The following HS3ST4 variants were observed in gnomAD, a reference collection of about 807,000 sequenced individuals.
HS3ST4 encodes heparan sulfate-glucosamine 3-sulfotransferase 4, also known as heparan sulfate glucosamine 3-O-sulfotransferase 4.
In HS3ST4, 17 loss-of-function variants were observed where a neutral mutation model predicts 29.2. That is an observed-to-expected ratio of 0.58 (90% CI 0.40 to 0.87). The LOEUF (loss-of-function observed/expected upper bound fraction) is 0.87, where lower values mean the gene tolerates loss of function less well. Ranked by LOEUF, HS3ST4 falls within the 40% of genes least tolerant of loss-of-function variation. The pLI is 0.00. For missense variants in HS3ST4, 627 were observed against 634.5 expected (o/e 0.99, Z 0.13); for synonymous variants, 314 against 285.7 (o/e 1.10, Z -1.00).
chr16:25,764,505 A>G (rs1327931985), intron 1 of HS3ST4, among the ~76,000 whole-genome samples: 2 of 152,090 alleles, frequency 1.3e-5, no homozygotes, highest in African/African-American at 4.8e-5. Context: ...CCGCATGTGT[A>G]TGTGCGTGTT....
intron 1 of HS3ST4, among the ~76,000 whole-genome samples, chr16:25,922,608 A>G (rs1169742346): frequency 6.6e-6 from 1 of 152,242 alleles, no homozygotes; most frequent in Non-Finnish European, 1.5e-5. Flanking sequence ...TTTGTTGAGC[A>G]ATTACTGTGG....
intron 1 of HS3ST4, among the ~76,000 whole-genome samples, chr16:25,701,896 T>A (rs1258422563): frequency 2.0e-5 from 3 of 152,262 alleles, no homozygotes; most frequent in East Asian, 1.9e-4. Context: ...GATTTATTGT[T>A]AATACAGGCA....
At chr16:26,072,360 C>T (rs1444732253) in intron 1 of HS3ST4, among the ~76,000 whole-genome samples, 3 of 152,202 alleles carry the variant, frequency 2.0e-5, no homozygotes, top group Non-Finnish European at 4.4e-5. Flanking sequence ...GAATTGTGTA[C>T]TCTGGCTGAT....
intron 1 of HS3ST4, among the ~76,000 whole-genome samples, chr16:26,082,197 C>A (rs1446036514): frequency 1.3e-5 from 2 of 152,190 alleles, no homozygotes; most frequent in East Asian, 1.9e-4. Context: ...GCATCCTCTT[C>A]TGTCAATCAC....
intron 1 of HS3ST4, among the ~76,000 whole-genome samples, chr16:25,767,207 C>G (rs963321577): frequency 1.3e-5 from 2 of 152,140 alleles, no homozygotes; most frequent in Admixed American, 6.5e-5. Context: ...TTTATTTATA[C>G]GGATAAGGCA....
At chr16:25,972,733 A>G (rs1047430865) in intron 1 of HS3ST4, among the ~76,000 whole-genome samples, 3 of 152,180 alleles carry the variant, frequency 2.0e-5, no homozygotes, top group Non-Finnish European at 4.4e-5. Context: ...GGTCCAGCCC[A>G]CACTCAAGAA....
chr16:25,992,954 C>T (rs1283517594), intron 1 of HS3ST4, among the ~76,000 whole-genome samples: 1 of 152,174 alleles, frequency 6.6e-6, no homozygotes, highest in Non-Finnish European at 1.5e-5. Context: ...ACAGCTCTGC[C>T]TTGCTTGCGT....
At chr16:25,870,183 C>CCCAT (rs922372292) in intron 1 of HS3ST4, among the ~76,000 whole-genome samples, 6 of 152,068 alleles carry the variant, frequency 3.9e-5, no homozygotes, top group Non-Finnish European at 2.9e-5. Context: ...CATCCATCCA[C>CCCAT]CCATCCATCC....
chr16:25,786,825 G>C (rs552564133), intron 1 of HS3ST4, among the ~76,000 whole-genome samples: 1 of 152,182 alleles, frequency 6.6e-6, no homozygotes, highest in African/African-American at 2.4e-5. Flanking sequence ...TATAATTTCA[G>C]AGTATGCTAC....
intron 1 of HS3ST4, among the ~76,000 whole-genome samples, chr16:25,858,872 T>C (rs61621330): frequency 0.074 from 11,213 of 152,186 alleles, 470 homozygotes; most frequent in African/African-American, 0.12. Context: ...CCTTCCTTTT[T>C]TTATCTGGTT....
At chr16:26,001,151 T>G (rs1455332817) in intron 1 of HS3ST4, among the ~76,000 whole-genome samples, 2 of 152,158 alleles carry the variant, frequency 1.3e-5, no homozygotes, top group Non-Finnish European at 2.9e-5. Context: ...ATTTACAATA[T>G]TGGAATTTGG....
In HS3ST4 at chr16:26,078,240, A is replaced by T. The variant is rs142521806; in HGVS notation, c.735-57372A>T. 5.9e-3 allele frequency among the ~76,000 whole-genome samples: 902 copies of T among 152,196 alleles called. 8 individuals are homozygous for T. Among genetic ancestry groups the T allele is most frequent in the Admixed American group, 0.01 (157 of 15,274 alleles). On this transcript the variant is annotated intron_variant, in intron 1 of 1. Coordinates refer to ENST00000331351, the MANE Select transcript of HS3ST4 (RefSeq NM_006040.3). ...ACTGCAAGCTCTGCCTCCCAGGTTCATGCCTATTCTTCTGCCTCAGCCTCT... is the reference window on the plus strand; with the variant it reads ...ACTGCAAGCTCTGCCTCCCAGGTTCTTGCCTATTCTTCTGCCTCAGCCTCT...
At chr16:25,921,181 T>C (rs1968348119) in intron 1 of HS3ST4, among the ~76,000 whole-genome samples, 1 of 152,204 alleles carries the variant, frequency 6.6e-6, no homozygotes, top group African/African-American at 2.4e-5. Context: ...TAGCTGATGC[T>C]CAAAGAACAG....
At chr16:25,790,177 G>A (rs1450200735) in intron 1 of HS3ST4, among the ~76,000 whole-genome samples, 2 of 56 alleles carry the variant, frequency 0.036, no homozygotes, top group Non-Finnish European at 0.067. Flanking sequence ...GGATGCCAAG[G>A]TGAGCAGGTG....
At chr16:25,722,325 T>G (rs2141589997) in intron 1 of HS3ST4, among the ~76,000 whole-genome samples, 1 of 152,354 alleles carries the variant, frequency 6.6e-6, no homozygotes, top group African/African-American at 2.4e-5. Context: ...GGAGACTCCA[T>G]GAGAAGGGTT....
At chr16:25,879,216 T>G (rs1479402111) in intron 1 of HS3ST4, among the ~76,000 whole-genome samples, 1 of 152,144 alleles carries the variant, frequency 6.6e-6, no homozygotes, top group Non-Finnish European at 1.5e-5. Flanking sequence ...AAAATAATAT[T>G]CATAGCTATA....
chr16:26,034,671 G>C (rs1010959246), intron 1 of HS3ST4, among the ~76,000 whole-genome samples: 8 of 150,992 alleles, frequency 5.3e-5, no homozygotes, highest in Admixed American at 6.6e-5. Context: ...GCAGGGGCGG[G>C]GGGGGGTCTC....
chr16:25,905,407 G>T (rs542822818), intron 1 of HS3ST4, among the ~76,000 whole-genome samples: 1 of 152,150 alleles, frequency 6.6e-6, no homozygotes, highest in African/African-American at 2.4e-5. Flanking sequence ...GAGGAAGAAG[G>T]TGGATGCAGC....
chr16:25,738,937 A>G (rs924459040), intron 1 of HS3ST4, among the ~76,000 whole-genome samples: 1 of 152,178 alleles, frequency 6.6e-6, no homozygotes, highest in African/African-American at 2.4e-5. Context: ...GTAATTTCTT[A>G]TAATATCTGT....
Sources: gnomAD v4.1 joint callset for allele counts (sites outside exome capture counted in the v4.1 genomes callset) on GRCh38, gnomAD v4.1.1 for gene constraint, MANE v1.5 for transcripts, NCBI Gene and HGNC (gene_info 2026-07-23, HGNC 2026-07-21) for gene names.